RBFOX1: variants seen among roughly 807,000 people sequenced by gnomAD.
RBFOX1 encodes RNA binding fox-1 homolog 1.
Under a neutral mutation model 57.7 loss-of-function variants are expected in RBFOX1, and 8 were observed. The ratio of observed to expected loss-of-function variants is 0.14; its 90% confidence interval spans 0.08 to 0.25. The LOEUF is 0.25. RBFOX1 is among the 10% of genes least tolerant of loss of function. The probability of loss-of-function intolerance (pLI) is 1.00; values close to 1 mark genes in which losing one functional copy is unlikely to be tolerated. For missense variants in RBFOX1, 611 were observed against 548.5 expected, an observed-to-expected ratio of 1.11 and a Z score of -1.14; for synonymous variants, 326 against 222.4, an observed-to-expected ratio of 1.47 and a Z score of -4.15.
intron 1 of RBFOX1, among the ~76,000 whole-genome samples, chr16:5,418,286 G>A (rs1473156978): frequency 6.6e-6 from 1 of 151,866 alleles, no homozygotes; most frequent in African/African-American, 2.4e-5. Context: ...CAAGGCAGCT[G>A]GGGATAGAGT....
chr16:5,734,860 A>G (rs971159259), intron 3 of RBFOX1, among the ~76,000 whole-genome samples: 1 of 152,230 alleles, frequency 6.6e-6, no homozygotes, highest in Admixed American at 6.5e-5. Context: ...GCAAGTGAGC[A>G]AAAGTAACAT....
At chr16:5,545,131 C>G (rs939428085) in intron 2 of RBFOX1, among the ~76,000 whole-genome samples, 1 of 151,960 alleles carries the variant, frequency 6.6e-6, no homozygotes, top group Non-Finnish European at 1.5e-5. Flanking sequence ...CACCTGCCAC[C>G]ATGCCTGGCT....
intron 11 of RBFOX1, among the ~76,000 whole-genome samples, chr16:7,636,821 G>C (rs62013667): frequency 0.099 from 14,383 of 145,980 alleles, 972 homozygotes; most frequent in African/African-American, 0.19. Context: ...GTTTTCACAA[G>C]AGAGAGACAG....
At chr16:6,925,234 A>C (rs2075344824) in intron 3 of RBFOX1, among the ~76,000 whole-genome samples, 1 of 140,526 alleles carries the variant, frequency 7.1e-6, no homozygotes, top group African/African-American at 2.7e-5. Context: ...CCCGGGCTCA[A>C]GCAATTGTCG....
chr16:5,924,866 A>G (rs2058909242), intron 4 of RBFOX1, among the ~76,000 whole-genome samples: 1 of 152,130 alleles, frequency 6.6e-6, no homozygotes, highest in African/African-American at 2.4e-5. Context: ...GGGATTGGGG[A>G]GTAAAGTCTA....
intron 4 of RBFOX1, among the ~76,000 whole-genome samples, chr16:7,392,860 T>TTTGTTTGA (rs1168987971): frequency 2.0e-5 from 3 of 150,482 alleles, no homozygotes; most frequent in African/African-American, 7.4e-5. Context: ...GTTTGGTTTG[T>TTTGTTTGA]TTGTTTGTTT....
chr16:7,125,029 G>T (rs1192396331), intron 4 of RBFOX1, among the ~76,000 whole-genome samples: 1 of 152,090 alleles, frequency 6.6e-6, no homozygotes, highest in South Asian at 2.1e-4. Flanking sequence ...GGAGGGGGCC[G>T]GCTTATTAAG....
chr16:5,872,981 T>C (rs2057513406), intron 4 of RBFOX1, among the ~76,000 whole-genome samples: 1 of 151,848 alleles, frequency 6.6e-6, no homozygotes, highest in African/African-American at 2.4e-5. Context: ...TGAAGTACTA[T>C]CTCTATTAAA....
intron 4 of RBFOX1, among the ~76,000 whole-genome samples, chr16:7,433,444 A>G (rs2098698030): frequency 6.6e-6 from 1 of 152,224 alleles, no homozygotes; most frequent in African/African-American, 2.4e-5. Context: ...GGGATAATGA[A>G]TGTTCCATGT....
chr16:7,652,245 G>C (rs1210890759), intron 11 of RBFOX1, among the ~76,000 whole-genome samples: 2 of 152,170 alleles, frequency 1.3e-5, no homozygotes, highest in Admixed American at 6.5e-5. Context: ...TGATGAGTTA[G>C]TTAGGATTTG....
intron 3 of RBFOX1, among the ~76,000 whole-genome samples, chr16:5,775,739 T>C (rs1037811869): frequency 1.3e-5 from 2 of 152,202 alleles, no homozygotes; most frequent in Admixed American, 1.3e-4. Flanking sequence ...GTTGGAAGCA[T>C]GGAATGCTGC....
chr16:6,828,313 G>A (rs1316972412), intron 3 of RBFOX1, among the ~76,000 whole-genome samples: 1 of 151,964 alleles, frequency 6.6e-6, no homozygotes, highest in East Asian at 1.9e-4. Context: ...GTCACAAGGT[G>A]AAGAGATCAG....
At chr16:7,510,487 CTGTGTGTGTG>C (rs59583874) in intron 4 of RBFOX1, among the ~76,000 whole-genome samples, 2 of 149,570 alleles carry the variant, frequency 1.3e-5, no homozygotes, top group East Asian at 2.0e-4. Flanking sequence ...GTATGTGTGT[CTGTGTGTGTG>C]TGTGTGTGTG....
chr16:6,249,170 A>G (rs1268765684), intron 1 of RBFOX1, among the ~76,000 whole-genome samples: 1 of 152,328 alleles, frequency 6.6e-6, no homozygotes, highest in East Asian at 1.9e-4. Context: ...GCATATGGGC[A>G]AAGATCAAAT....
At chr16:5,295,579 T>C (rs1327674805) in intron 1 of RBFOX1, among the ~76,000 whole-genome samples, 2 of 152,194 alleles carry the variant, frequency 1.3e-5, no homozygotes, top group Non-Finnish European at 2.9e-5. Flanking sequence ...GCTGCTGGAC[T>C]CAGGGCCCCG....
intron 5 of RBFOX1, among the ~76,000 whole-genome samples, chr16:7,531,616 G>C (rs1348392876): frequency 2.0e-5 from 3 of 152,146 alleles, no homozygotes; most frequent in African/African-American, 7.2e-5. Context: ...GTATTTCATT[G>C]ACATAACTCA....
At chr16:7,240,800 A>T (rs1367204407) in intron 4 of RBFOX1, among the ~76,000 whole-genome samples, 3 of 152,104 alleles carry the variant, frequency 2.0e-5, no homozygotes, top group African/African-American at 4.8e-5. Flanking sequence ...AAACTCCTGG[A>T]CTGAAGCGAT....
intron 1 of RBFOX1, among the ~76,000 whole-genome samples, chr16:6,226,374 C>CAAAAAAA (rs368116983): frequency 5.8e-5 from 5 of 86,542 alleles, no homozygotes; most frequent in Admixed American, 1.8e-4. Flanking sequence ...ACTCTGTCTC[C>CAAAAAAA]AAAAAAAAAA....
intron 2 of RBFOX1, among the ~76,000 whole-genome samples, chr16:6,540,649 G>T (rs1474694444): frequency 2.7e-5 from 4 of 145,880 alleles, no homozygotes; most frequent in East Asian, 2.0e-4. Context: ...CCTCAAGTCA[G>T]TCTCTGTACA....
Sources: gnomAD v4.1 joint callset for allele counts (sites outside exome capture counted in the v4.1 genomes callset) on GRCh38, gnomAD v4.1.1 for gene constraint, MANE v1.5 for transcripts, NCBI Gene and HGNC (gene_info 2026-07-23, HGNC 2026-07-21) for gene names.